The following FERMT1 variants were observed in gnomAD, a reference collection of about 807,000 sequenced individuals.
The protein encoded by FERMT1 is FERM domain containing kindlin 1, also known as fermitin family homolog 1.
FERMT1 carries 60 observed loss-of-function variants against 85.3 expected under a neutral mutation model. The observed-to-expected ratio is 0.70, with a 90% CI of 0.57 to 0.87. FERMT1 has a LOEUF of 0.87. Ranked by LOEUF, FERMT1 falls within the 40% of genes least tolerant of loss-of-function variation. FERMT1 has a pLI of 0.00. For synonymous variants in FERMT1, 275 were observed against 301.1 expected (o/e 0.91, Z 0.90); for missense variants, 701 against 818.9 (o/e 0.86, Z 1.76).
In FERMT1 at chr20:6,099,818, A is replaced by T. The variant is rs183616153; in HGVS notation, c.850-2187T>A. On this transcript the variant is annotated intron_variant, in intron 6 of 14. Coordinates refer to ENST00000217289, the MANE Select transcript of FERMT1 (RefSeq NM_017671.5). ...CAAGACCACCCTAGGCAACATGATG[A>T]GTCACTGTTTCTAAAAAAAAAAAAA... Among the ~76,000 whole-genome samples, 268 of 142,916 alleles carry T rather than the reference A, an allele frequency of 1.9e-3. 1 individual carries two copies. The highest frequency in any genetic ancestry group is 6.8e-3 in the African/African-American group (262 of 38,362). The allele number at this position is 142,916 out of a possible 152,430, so 93.8% of individuals were successfully genotyped here. A position where few individuals can be genotyped will look rare whatever the true frequency, so the allele number is the denominator to read the frequency against.
chr20:6,097,526 G>A lies in FERMT1; in HGVS notation c.955C>T (p.Gln319Ter). ...AAAAGGTACTGAAGTTCCCATACCTGTAGAGCTGCAAAGATCAACATTTCT... is the reference window on the plus strand; with the variant it reads ...AAAAGGTACTGAAGTTCCCATACCTATAGAGCTGCAAAGATCAACATTTCT... ...EEEMLIFAAL[Q>*]YHISKLSLSA... Residue 319 changes from glutamine to a stop codon, truncating the protein, a stop_gained and splice_region_variant, in exon 7 of 15, where the codon CAG becomes TAG. Coordinates refer to ENST00000217289, the MANE Select transcript of FERMT1 (RefSeq NM_017671.5). LOFTEE classifies it high-confidence loss of function. The A allele has an allele frequency of 1.2e-6, 2 of 1,608,354 alleles. No individual in the cohort carries two copies. Among genetic ancestry groups the A allele is most frequent in the Non-Finnish European group, 1.7e-6 (2 of 1,174,820 alleles).
intron 5 of FERMT1, among the ~76,000 whole-genome samples, 192 bp from the exon 6 acceptor site, chr20:6,107,826 A>C (rs549411273): frequency 2.0e-5 from 3 of 152,280 alleles, no homozygotes; most frequent in African/African-American, 7.2e-5. Flanking sequence ...CACTGACCTG[A>C]GGCTCAAAGG....
intron 13 of FERMT1, among the ~76,000 whole-genome samples, chr20:6,082,258 T>C (rs1982018330): frequency 6.6e-6 from 1 of 152,158 alleles, no homozygotes; most frequent in Non-Finnish European, 1.5e-5. Context: ...CTTCACCACG[T>C]ATCAGGCACT....
At chr20:6,115,074 G>A (rs1313657724) in intron 3 of FERMT1, among the ~76,000 whole-genome samples, 1 of 151,938 alleles carries the variant, frequency 6.6e-6, no homozygotes, top group African/African-American at 2.4e-5. Context: ...TGGTTTAATG[G>A]GAAAAATAGA....
intron 6 of FERMT1, 47 bp from the exon 7 acceptor site, chr20:6,097,678 C>T (rs1189567536): frequency 8.0e-6 from 10 of 1,246,628 alleles, no homozygotes; most frequent in African/African-American, 1.5e-5. Context: ...ATATTTATAT[C>T]CCACAATACA....
At chr20:6,077,834 C>T (rs932372944) in intron 14 of FERMT1, among the ~76,000 whole-genome samples, 3 of 152,042 alleles carry the variant, frequency 2.0e-5, no homozygotes, top group Non-Finnish European at 2.9e-5. Context: ...GTGTGTGCCA[C>T]CACACCTGGC....
In FERMT1 at chr20:6,097,649, GGT is replaced by G; in HGVS notation, c.850-20_850-19del. ...GCATCATACTAGAGACAAAAACAGA[GGT>G]GTGTGTGTAATGAGGTATATTTATA... On this transcript the variant is annotated intron_variant, in intron 6 of 14. Coordinates refer to ENST00000217289, the MANE Select transcript of FERMT1 (RefSeq NM_017671.5). 5 of 1,514,030 alleles carry G rather than the reference GGT, an allele frequency of 3.3e-6. No individual in the cohort carries two copies. Among genetic ancestry groups the G allele is most frequent in the Non-Finnish European group, 3.7e-6 (4 of 1,088,900 alleles). 93.8% of individuals were successfully genotyped at this position (1,514,030 alleles called of 1,614,324 possible).
chr20:6,083,706 CAA>C (rs35242103), intron 13 of FERMT1, among the ~76,000 whole-genome samples: 8 of 82,028 alleles, frequency 9.8e-5, no homozygotes, highest in East Asian at 2.7e-4. Context: ...AAAAAAAAAA[CAA>C]AAAAAAAAAA....
At chr20:6,098,390 C>T (rs1982567124) in intron 6 of FERMT1, among the ~76,000 whole-genome samples, 1 of 151,994 alleles carries the variant, frequency 6.6e-6, no homozygotes, top group African/African-American at 2.4e-5. Context: ...ACATAATGTT[C>T]AAATATTGCC....
At chr20:6,113,613 A>G (rs1434948843) in intron 3 of FERMT1, among the ~76,000 whole-genome samples, 3 of 152,098 alleles carry the variant, frequency 2.0e-5, no homozygotes, top group African/African-American at 7.3e-5. Context: ...CTTTGCTCTG[A>G]TGGCTCACCA....
intron 12 of FERMT1, among the ~76,000 whole-genome samples, chr20:6,084,504 A>T (rs1982105814): frequency 6.6e-6 from 1 of 152,128 alleles, no homozygotes; most frequent in African/African-American, 2.4e-5. Flanking sequence ...ATAGAAGCAT[A>T]ATTTTAATTA....
Position 6,099,996 on chromosome 20 carries a change from AAG to A in FERMT1, c.850-2367_850-2366del, listed in dbSNP as rs199569980. ...GAGAGACTATCTCAGAAAAAAAAAA[AAG>A]AGAGAGAAAATGGATAGTGGTAATA... is the stretch of plus-strand genomic sequence containing the variant. On this transcript the variant is annotated intron_variant, in intron 6 of 14. Coordinates refer to ENST00000217289, the MANE Select transcript of FERMT1 (RefSeq NM_017671.5). Among the ~76,000 whole-genome samples, 304 of 151,914 alleles carry A rather than the reference AAG, an allele frequency of 2.0e-3. 1 individual carries two copies. The highest frequency in any genetic ancestry group is 7.2e-3 in the African/African-American group (297 of 41,346).
At chr20:6,077,742 A>G (rs1204732635) in intron 14 of FERMT1, among the ~76,000 whole-genome samples, 1 of 151,718 alleles carries the variant, frequency 6.6e-6, no homozygotes, top group East Asian at 1.9e-4. Flanking sequence ...GTACAGTGGC[A>G]CGATCTCGGG....
intron 13 of FERMT1, among the ~76,000 whole-genome samples, chr20:6,082,639 G>T (rs146534791): frequency 6.6e-6 from 1 of 152,132 alleles, no homozygotes; most frequent in Non-Finnish European, 1.5e-5. Flanking sequence ...CAGTGAATAG[G>T]AAAGTCTGTT....
At chr20:6,103,550 T>G (rs1982717474) in intron 6 of FERMT1, among the ~76,000 whole-genome samples, 1 of 152,170 alleles carries the variant, frequency 6.6e-6, no homozygotes, top group Non-Finnish European at 1.5e-5. Flanking sequence ...CAGAGCCCAT[T>G]TCCTGACACT....
chr20:6,095,074 C>A (rs1982465904), intron 8 of FERMT1, 86 bp from the exon 9 acceptor site: 1 of 773,892 alleles, frequency 1.3e-6, no homozygotes, highest in Non-Finnish European at 2.4e-6. Context: ...ATGGCAGTCC[C>A]TTGCTATATG....
intron 6 of FERMT1, among the ~76,000 whole-genome samples, chr20:6,100,229 T>C (rs532828945): frequency 1.8e-4 from 27 of 152,306 alleles, no homozygotes; most frequent in African/African-American, 6.0e-4. Flanking sequence ...GAATGTAGTA[T>C]ACATAAACAA....
intron 10 of FERMT1, 140 bp from the exon 11 acceptor site, chr20:6,088,023 A>G (rs1411778337): frequency 1.5e-6 from 1 of 680,384 alleles, no homozygotes; most frequent in African/African-American, 1.8e-5. Context: ...GCAAGCTGAT[A>G]ACATTAATTA....
At position 6,091,545 on chromosome 20, in the gene FERMT1, A is replaced by G. The variant is rs566189992; in HGVS notation, c.1140-2456T>C. On this transcript the variant is annotated intron_variant, in intron 9 of 14. Transcript: ENST00000217289. Reference sequence around the variant, plus strand: ...CCATGCCCAGGCAGTTCTAAGGAACATATTGTTGTTTAATACTCAGATTCT... The same window carrying G: ...CCATGCCCAGGCAGTTCTAAGGAACGTATTGTTGTTTAATACTCAGATTCT... Among the ~76,000 whole-genome samples the G allele has an allele frequency of 5.9e-5, 9 of 152,294 alleles. No homozygotes were observed. The South Asian group carries it at 1.9e-3, about 32-fold the overall frequency.
Sources: allele counts gnomAD v4.1 joint callset (sites outside exome capture counted in the v4.1 genomes callset), GRCh38; gene constraint gnomAD v4.1.1; transcripts MANE v1.5; gene names NCBI Gene and HGNC (gene_info 2026-07-23, HGNC 2026-07-21).